The following DNAH8 variants were observed in gnomAD, a reference collection of about 807,000 sequenced individuals.
The protein encoded by DNAH8 is dynein axonemal heavy chain 8, also known as axonemal beta dynein heavy chain 8.
In DNAH8, 382 loss-of-function variants were observed where a neutral mutation model predicts 562.1. That is an observed-to-expected ratio of 0.68 (90% CI 0.63 to 0.74). The LOEUF is 0.74. DNAH8 is among the 30% of genes least tolerant of loss of function. The probability of loss-of-function intolerance (pLI) is 0.00; values close to 1 mark genes in which losing one functional copy is unlikely to be tolerated. For missense variants in DNAH8, 5,203 were observed against 5,620.4 expected (o/e 0.93, Z 2.37); for synonymous variants, 1,881 against 1,919.4 (o/e 0.98, Z 0.52).
rs142315396 is a variant in DNAH8 at position 38,974,487 on chromosome 6, G to T, written c.12792G>T (p.Lys4264Asn). The change falls in exon 85 of 93, where the codon AAG (lysine) becomes AAT (asparagine). Residue 4264 changes from lysine (K) to asparagine (N), a missense_variant. Lys to Asn is a moderately conservative substitution (Grantham distance 94, BLOSUM62 0). Around this residue, in one of 6 missense-constraint regions of DNAH8, gnomAD observed 1,399 missense variants for 1,518.4 expected, o/e 0.92. Coordinates refer to ENST00000327475, the MANE Select transcript of DNAH8 (RefSeq NM_001206927.2). Reference sequence around the variant, plus strand: ...ACATCAGTAATTTACCCATGTGGAAGCCGATGCTTTACACAGTAGCATTTT... The same window carrying T: ...ACATCAGTAATTTACCCATGTGGAATCCGATGCTTTACACAGTAGCATTTT... The part of the protein sequence containing the change: ...LLDISNLPMW[K>N]PMLYTVAFLH... 54 of 1,613,916 alleles carry T rather than the reference G, an allele frequency of 3.3e-5. 1 individual carries two copies. In the East Asian group the frequency reaches 6.5e-4, roughly 19 times the overall value.
chr6:38,826,191 G>A lies in DNAH8; in HGVS notation c.3883G>A (p.Ala1295Thr). 6.2e-7 allele frequency: 1 copy of A among 1,612,140 alleles called. No homozygotes were observed. The highest frequency in any genetic ancestry group is 8.5e-7 in the Non-Finnish European group (1 of 1,179,174). Residue 1295 changes from alanine to threonine, a missense_variant, in exon 29 of 93, where the codon GCA (alanine) becomes ACA (threonine). By Grantham distance (58) the Ala-to-Thr change is moderately conservative. Around this residue, in one of 6 missense-constraint regions of DNAH8, gnomAD observed 2,176 missense variants for 2,365.1 expected, o/e 0.92. Coordinates refer to ENST00000327475, the MANE Select transcript of DNAH8 (RefSeq NM_001206927.2). ...ATTGGCCTTATCCATCGAGGCCAAG[G>A]CATGGAAGATGTTACTCTGTCGATA... ...MKLALSIEAK[A>T]WKMLLCRYLN... is the part of the protein sequence containing the mutation.
At chr6:38,829,800 T>C (rs1300221297) in intron 30 of DNAH8, among the ~76,000 whole-genome samples, 3 of 152,228 alleles carry the variant, frequency 2.0e-5, no homozygotes, top group African/African-American at 7.2e-5. Flanking sequence ...ATTTACCTTC[T>C]TAACCATTTT....
intron 41 of DNAH8, among the ~76,000 whole-genome samples, chr6:38,854,983 A>G (rs1776071776): frequency 6.7e-6 from 1 of 148,646 alleles, no homozygotes. Context: ...TATATATAAT[A>G]CAAAGTATTA....
At chr6:38,853,890 T>G (rs117624633) in intron 41 of DNAH8, among the ~76,000 whole-genome samples, 2,258 of 152,150 alleles carry the variant, frequency 0.015, 94 homozygotes, top group East Asian at 0.14. Context: ...ACACTGAAAG[T>G]GAAAAACAGA....
At chr6:39,021,848 C>A (rs1428516583) in intron 91 of DNAH8, among the ~76,000 whole-genome samples, 1 of 152,222 alleles carries the variant, frequency 6.6e-6, no homozygotes, top group Non-Finnish European at 1.5e-5. Flanking sequence ...TGCCAACCAA[C>A]TCCTTATAAA....
At chr6:38,749,991 C>T (rs1277315662) in intron 8 of DNAH8, among the ~76,000 whole-genome samples, 1 of 152,170 alleles carries the variant, frequency 6.6e-6, no homozygotes, top group Non-Finnish European at 1.5e-5. Context: ...CGCCGCCACG[C>T]CCAGCTAATT....
At chr6:39,022,052 C>A (rs1766950041) in intron 91 of DNAH8, among the ~76,000 whole-genome samples, 1 of 152,064 alleles carries the variant, frequency 6.6e-6, no homozygotes, top group Non-Finnish European at 1.5e-5. Context: ...TTACTTTAGA[C>A]CTGAGTTTCC....
intron 18 of DNAH8, 21 bp from the exon 19 acceptor site, chr6:38,789,782 T>C: frequency 1.3e-6 from 2 of 1,540,082 alleles, no homozygotes; most frequent in Non-Finnish European, 1.8e-6. Context: ...AAATAAAACA[T>C]GCCATTTCAA....
chr6:38,837,978 T>C lies in DNAH8; in HGVS notation c.4402T>C (p.Tyr1468His). The stretch of plus-strand genomic sequence containing the variant: ...TGATCTGTGGAGGAAATTTGTTACG[T>C]ATTCATCTGGTGAACAACTTTTTGG... ...FDDLWRKFVTYSSGEQLFGLP... is the reference protein window; with the variant it reads ...FDDLWRKFVTHSSGEQLFGLP... The change falls in exon 33 of 93, where the codon TAT (tyrosine) becomes CAT (histidine). Residue 1468 changes from tyrosine (Y) to histidine (H), a missense_variant. Coordinates refer to ENST00000327475, the MANE Select transcript of DNAH8 (RefSeq NM_001206927.2). The C allele has an allele frequency of 6.2e-7, 1 of 1,613,502 alleles. No individual in the cohort carries two copies. Among genetic ancestry groups the C allele is most frequent in the Non-Finnish European group, 8.5e-7 (1 of 1,179,696 alleles).
intron 5 of DNAH8, among the ~76,000 whole-genome samples, chr6:38,735,918 G>A (rs959650471): frequency 6.6e-6 from 1 of 152,032 alleles, no homozygotes; most frequent in Non-Finnish European, 1.5e-5. Context: ...CAGGCAGATC[G>A]CCTGAGCTCA....
intron 3 of DNAH8, among the ~76,000 whole-genome samples, chr6:38,728,362 A>G (rs1257850798): frequency 6.6e-6 from 1 of 152,220 alleles, no homozygotes; most frequent in Non-Finnish European, 1.5e-5. Context: ...TGTTGGTAAA[A>G]TGTTATGTAA....
At chr6:38,986,564 A>G (rs1312939172) in intron 87 of DNAH8, among the ~76,000 whole-genome samples, 4 of 148,054 alleles carry the variant, frequency 2.7e-5, no homozygotes, top group Non-Finnish European at 6.0e-5. Context: ...TGTATTTGAG[A>G]TTCAAAGGAG....
chr6:38,762,554 CTG>C (rs1221379678), intron 11 of DNAH8, among the ~76,000 whole-genome samples: 1 of 152,138 alleles, frequency 6.6e-6, no homozygotes, highest in Non-Finnish European at 1.5e-5. Flanking sequence ...CTGACCTTGT[CTG>C]TGTTTTGGCA....
intron 55 of DNAH8, 95 bp downstream of exon 55, chr6:38,883,551 T>C: frequency 7.6e-7 from 1 of 1,312,004 alleles, no homozygotes; most frequent in Non-Finnish European, 1.0e-6. Flanking sequence ...GTGAAAATAT[T>C]ATATATTCAA....
At chr6:38,894,331 T>C (rs1779534841) in intron 58 of DNAH8, among the ~76,000 whole-genome samples, 1 of 152,224 alleles carries the variant, frequency 6.6e-6, no homozygotes, top group Non-Finnish European at 1.5e-5. Flanking sequence ...CAGTTTTTGT[T>C]ATGACATATT....
chr6:39,015,193 C>G (rs1766481416), intron 91 of DNAH8, among the ~76,000 whole-genome samples: 1 of 152,128 alleles, frequency 6.6e-6, no homozygotes, highest in Non-Finnish European at 1.5e-5. Flanking sequence ...ATTTAGAAAC[C>G]AAGGGAGTGG....
At position 38,903,711 on chromosome 6, in the gene DNAH8, C is replaced by T. The variant is rs374603533; in HGVS notation, c.9195-2543C>T. 9.4e-5 allele frequency among the ~76,000 whole-genome samples: 14 copies of T among 148,374 alleles called. No homozygotes were observed. The East Asian group carries it at 2.4e-3, about 26-fold the overall frequency. On this transcript the variant is annotated intron_variant, in intron 62 of 92. Coordinates refer to ENST00000327475, the MANE Select transcript of DNAH8 (RefSeq NM_001206927.2). ...CACTGCAACCTCCACCTCCCGGGTT[C>T]AAGCAGTTATCTGCCTCAGCCTCCC...
chr6:38,772,647 G>A (rs912044901), intron 12 of DNAH8, among the ~76,000 whole-genome samples: 11 of 151,664 alleles, frequency 7.3e-5, no homozygotes, highest in Admixed American at 5.3e-4. Flanking sequence ...CTTATTTTTG[G>A]GTTATCTTTT....
At position 38,906,197 on chromosome 6, in the gene DNAH8, G is replaced by A. The variant is rs570428150; in HGVS notation, c.9195-57G>A. On this transcript the variant is annotated intron_variant, in intron 62 of 92. Transcript: ENST00000327475. ...GCTGGGATTACAGGTGTGAGCCACCGCGCCCAGCCGACTATATATTTTTTA... is the reference window on the plus strand; with the variant it reads ...GCTGGGATTACAGGTGTGAGCCACCACGCCCAGCCGACTATATATTTTTTA... 1.1e-4 allele frequency: 128 copies of A among 1,207,016 alleles called. No homozygotes were observed. Among genetic ancestry groups the A allele is most frequent in the South Asian group, 3.3e-4 (21 of 64,502 alleles). The allele number at this position is 1,207,016 out of a possible 1,614,324, so 74.8% of individuals were successfully genotyped here.
Sources: gnomAD v4.1 joint callset for allele counts (sites outside exome capture counted in the v4.1 genomes callset) on GRCh38, gnomAD v4.1.1 for gene constraint, gnomAD v4.1.1 regional missense constraint, MANE v1.5 for transcripts, NCBI Gene and HGNC (gene_info 2026-07-23, HGNC 2026-07-21) for gene names.